The following PIK3R4 variants were observed in gnomAD, a reference collection of about 807,000 sequenced individuals.
PIK3R4 encodes phosphoinositide 3-kinase regulatory subunit 4.
Under a neutral mutation model 136.5 loss-of-function variants are expected in PIK3R4, and 46 were observed. The ratio of observed to expected loss-of-function variants is 0.34; its 90% CI spans 0.27 to 0.43. The LOEUF is 0.43. Among genes scored for constraint, PIK3R4 ranks in the 20% least tolerant of loss-of-function variants. The pLI, the probability that PIK3R4 is intolerant of heterozygous loss-of-function variation, is 1.00. For synonymous variants in PIK3R4, 557 were observed against 566.7 expected, an observed-to-expected ratio of 0.98 and a Z score of 0.24; for missense variants, 1,331 against 1,649.5, an observed-to-expected ratio of 0.81 and a Z score of 3.35.
At chr3:130,703,983 A>G (rs2066593658) in intron 12 of PIK3R4, 95 bp from the exon 13 acceptor site, 1 of 803,936 alleles carries the variant, frequency 1.2e-6, no homozygotes, top group African/African-American at 1.8e-5. Context: ...CAGCTTGAAA[A>G]CAATCATAAG....
At chr3:130,705,911 AC>A (rs2066603928) in intron 11 of PIK3R4, 140 bp from the exon 12 acceptor site, 4 of 520,340 alleles carry the variant, frequency 7.7e-6, no homozygotes, top group Non-Finnish European at 1.3e-5. Context: ...CGATATAATT[AC>A]AATTACATTT....
intron 12 of PIK3R4, 117 bp from the exon 13 acceptor site, chr3:130,704,005 T>G: frequency 1.5e-6 from 1 of 674,886 alleles, no homozygotes; most frequent in South Asian, 2.0e-5. Flanking sequence ...ACTAAAATAT[T>G]TGAAAGTACC....
At chr3:130,739,356 G>A (rs1195205851) in intron 2 of PIK3R4, among the ~76,000 whole-genome samples, 1 of 151,194 alleles carries the variant, frequency 6.6e-6, no homozygotes. Flanking sequence ...GATTACAGGC[G>A]TGAGCGACCG....
At chr3:130,715,327 T>C (rs2066657932) in intron 9 of PIK3R4, among the ~76,000 whole-genome samples, 1 of 152,098 alleles carries the variant, frequency 6.6e-6, no homozygotes, top group African/African-American at 2.4e-5. Context: ...TTTCACCATG[T>C]TGGCCAGTCT....
At chr3:130,710,607 TG>T (rs1307134618) in intron 9 of PIK3R4, among the ~76,000 whole-genome samples, 1 of 151,970 alleles carries the variant, frequency 6.6e-6, no homozygotes, top group African/African-American at 2.4e-5. Flanking sequence ...GTATTCAGAT[TG>T]GAAAAAAATG....
intron 13 of PIK3R4, among the ~76,000 whole-genome samples, chr3:130,702,767 C>T (rs1438640916): frequency 6.6e-6 from 1 of 152,116 alleles, no homozygotes; most frequent in African/African-American, 2.4e-5. Flanking sequence ...TTATCATAAT[C>T]ACATTTATTA....
rs2108513799 is a variant in PIK3R4 at position 130,681,586 on chromosome 3, G to C, written c.3613C>G (p.Gln1205Glu). ...CACATGGACACTTCGTTGTTGCCCT[G>C]AACAGCTAAAGGAAACAAAGGCCAG... ...LYQSWVIAAV[Q>E]GNNEVSMWDM... Residue 1205 changes from glutamine to glutamate, a missense_variant, in exon 17 of 20, where the codon CAG becomes GAG. Around this residue, in one of 2 missense-constraint regions of PIK3R4, gnomAD observed 1,180 missense variants for 1,407.0 expected, o/e 0.84. Transcript: ENST00000356763. 1 of 1,598,224 alleles carries C rather than the reference G, an allele frequency of 6.3e-7. No individual in the cohort carries two copies. The highest frequency in any genetic ancestry group is 8.6e-7 in the Non-Finnish European group (1 of 1,166,208).
Position 130,718,433 on chromosome 3 carries a change from G to A in PIK3R4, c.2083C>T (p.Leu695=), listed in dbSNP as rs1292631316. The A allele has an allele frequency of 1.2e-6, 2 of 1,613,512 alleles. No homozygotes were observed. The highest frequency in any genetic ancestry group is 2.2e-5 in the South Asian group (2 of 91,072). ...ATATATGGGTCAAGATAAGGCATCA[G>A]TTTACAGTAGACATCAGCTGTACTT... is the stretch of plus-strand genomic sequence containing the variant. ...QISTADVYCK[L]MPYLDPYITQ... Residue 695 remains leucine, a synonymous_variant, in exon 8 of 20, where the codon CTG becomes TTG. Transcript: ENST00000356763.
chr3:130,722,008 T>A (rs1324563897), intron 7 of PIK3R4, among the ~76,000 whole-genome samples: 1 of 152,122 alleles, frequency 6.6e-6, no homozygotes, highest in African/African-American at 2.4e-5. Flanking sequence ...TAATATACTA[T>A]CTTTATTTGT....
chr3:130,703,878 A>G lies in PIK3R4; in HGVS notation c.2943T>C (p.Pro981=). 1 of 1,610,728 alleles carries G rather than the reference A, an allele frequency of 6.2e-7. No individual in the cohort carries two copies. The highest frequency in any genetic ancestry group is 8.5e-7 in the Non-Finnish European group (1 of 1,177,690). ...GAAGATGGGCAACTAACAGCCCTTTAGGACGCCATCCTAAGGAAAAGCAAA... is the reference window on the plus strand; with the variant it reads ...GAAGATGGGCAACTAACAGCCCTTTGGGACGCCATCCTAAGGAAAAGCAAA... ...ESKPPPPGWR[P]KGLLVAHLHE... Residue 981 remains proline, a synonymous_variant, in exon 13 of 20, where the codon CCT becomes CCC. Coordinates refer to ENST00000356763, the MANE Select transcript of PIK3R4 (RefSeq NM_014602.3).
intron 12 of PIK3R4, among the ~76,000 whole-genome samples, 161 bp downstream of exon 12, chr3:130,705,400 A>T (rs940338724): frequency 6.6e-6 from 1 of 152,204 alleles, no homozygotes; most frequent in Admixed American, 6.5e-5. Flanking sequence ...CTCCACAAAT[A>T]ATGACAAGAT....
chr3:130,729,589 C>G (rs2066751064), intron 5 of PIK3R4, among the ~76,000 whole-genome samples: 2 of 152,118 alleles, frequency 1.3e-5, no homozygotes, highest in South Asian at 4.1e-4. Context: ...CTAGGACTTC[C>G]TGATACATCC....
At chr3:130,731,678 C>A (rs953984277) in intron 4 of PIK3R4, among the ~76,000 whole-genome samples, 1 of 152,174 alleles carries the variant, frequency 6.6e-6, no homozygotes, top group Non-Finnish European at 1.5e-5. Context: ...AACCACAGCA[C>A]ACTTGGAAGT....
chr3:130,680,060 CAAAAAAAA>C (rs1163413860), intron 19 of PIK3R4, among the ~76,000 whole-genome samples: 3 of 65,594 alleles, frequency 4.6e-5, no homozygotes, highest in Non-Finnish European at 1.0e-4. Context: ...GACTCCATCT[CAAAAAAAA>C]AAAAAAAAAA....
rs368010161 is a variant in PIK3R4 at position 130,686,172 on chromosome 3, G to A, written c.3475+39C>T. ...AAGACAGCAATTGCAGGCATTAGTG[G>A]CATTCAAAACCCAGCCAATGACTTG... On this transcript the variant is annotated intron_variant, in intron 15 of 19. Coordinates refer to ENST00000356763, the MANE Select transcript of PIK3R4 (RefSeq NM_014602.3). 3.2e-6 allele frequency: 4 copies of A among 1,238,376 alleles called. No homozygotes were observed. The African/African-American group carries it at 4.4e-5, about 14-fold the overall frequency. The allele number at this position is 1,238,376 out of a possible 1,614,324, so 76.7% of individuals were successfully genotyped here. A position where few individuals can be genotyped will look rare whatever the true frequency, so the allele number is the denominator to read the frequency against.
chr3:130,713,764 C>T (rs2066645534), intron 9 of PIK3R4, among the ~76,000 whole-genome samples: 1 of 152,130 alleles, frequency 6.6e-6, no homozygotes, highest in Non-Finnish European at 1.5e-5. Flanking sequence ...CCTCTGCCTC[C>T]CAGGTTCAAG....
chr3:130,707,203 C>T (rs899921351), intron 10 of PIK3R4, 68 bp from the exon 11 acceptor site: 11 of 1,099,904 alleles, frequency 1.0e-5, no homozygotes, highest in Non-Finnish European at 1.4e-5. Flanking sequence ...CTTTTATTGC[C>T]TTTGGAGGGG....
In PIK3R4 at chr3:130,718,525, A is replaced by G. The variant is rs369407429; in HGVS notation, c.1991T>C (p.Leu664Pro). 2 of 1,613,936 alleles carry G rather than the reference A, an allele frequency of 1.2e-6. No homozygotes were observed. The highest frequency in any genetic ancestry group is 1.7e-6 in the Non-Finnish European group (2 of 1,179,828). Residue 664 changes from leucine (L) to proline (P), a missense_variant, in exon 8 of 20, where the codon CTG becomes CCG. By Grantham distance (98) the Leu-to-Pro change is moderately conservative. Around this residue, in one of 2 missense-constraint regions of PIK3R4, gnomAD observed 1,180 missense variants for 1,407.0 expected, o/e 0.84. Transcript: ENST00000356763. ...YEFASDIAPF[L>P]CHPNLWIRYG... ...ACGTATCCATAAATTGGGATGACAC[A>G]GGAAGGGGGCTAAAGAGGAAAAGAA... is the stretch of plus-strand genomic sequence containing the variant.
chr3:130,724,998 T>TTTAG (rs1559828399), intron 6 of PIK3R4, among the ~76,000 whole-genome samples: 1 of 152,040 alleles, frequency 6.6e-6, no homozygotes, highest in African/African-American at 2.4e-5. Context: ...ACATTTTGAT[T>TTTAG]AAATTTTAAA....
Sources: gnomAD v4.1 joint callset for allele counts (sites outside exome capture counted in the v4.1 genomes callset) on GRCh38, gnomAD v4.1.1 for gene constraint, gnomAD v4.1.1 regional missense constraint, MANE v1.5 for transcripts, NCBI Gene and HGNC (gene_info 2026-07-23, HGNC 2026-07-21) for gene names.